Variants in ANKRD31 observed in about 807,000 individuals in gnomAD.
ANKRD31 encodes ankyrin repeat domain-containing protein 31.
In ANKRD31, 147 loss-of-function variants were observed where a neutral mutation model predicts 186.0. The ratio of observed to expected loss-of-function variants is 0.79; its 90% CI spans 0.69 to 0.91. ANKRD31 has a LOEUF of 0.91. ANKRD31 is among the 40% of genes least tolerant of loss of function. The pLI, the probability that ANKRD31 is intolerant of heterozygous loss-of-function variation, is 0.00. For missense variants in ANKRD31, 1,986 were observed against 2,148.8 expected, an observed-to-expected ratio of 0.92 and a Z score of 1.50; for synonymous variants, 673 against 736.4, an observed-to-expected ratio of 0.91 and a Z score of 1.39.
In ANKRD31 at chr5:75,193,580, G is replaced by A. The variant is rs1464759640; in HGVS notation, c.1029C>T (p.Asp343=). Reference sequence around the variant, plus strand: ...AAGTTTGCAATCCAGATGGATTTGGGTCTTGCAGAGTCTGCAAATACGTAA... The same window carrying A: ...AAGTTTGCAATCCAGATGGATTTGGATCTTGCAGAGTCTGCAAATACGTAA... ...DCTQIAETLQ[D]PNPSGLQTLA... The change falls in exon 8 of 26, where the codon GAC becomes GAT. Residue 343 remains aspartate (D), a synonymous_variant. Coordinates refer to ENST00000506364, the MANE Select transcript of ANKRD31 (RefSeq NM_001372053.1). 7.8e-6 allele frequency: 12 copies of A among 1,533,520 alleles called. No individual in the cohort carries two copies. In the African/African-American group the frequency reaches 1.6e-4, roughly 21 times the overall value. The allele number at this position is 1,533,520 out of a possible 1,614,324, so 95.0% of individuals were successfully genotyped here.
intron 4 of ANKRD31, among the ~76,000 whole-genome samples, chr5:75,210,395 A>G (rs113671806): frequency 0.054 from 8,287 of 152,262 alleles, 522 homozygotes; most frequent in African/African-American, 0.15. Flanking sequence ...ACTGGTCTGG[A>G]ACTCCCGACC....
At chr5:75,136,789 A>G (rs1360153283) in intron 17 of ANKRD31, among the ~76,000 whole-genome samples, 2 of 152,230 alleles carry the variant, frequency 1.3e-5, no homozygotes, top group Non-Finnish European at 2.9e-5. Flanking sequence ...GATAGAGTGG[A>G]TTAAGAAAAG....
chr5:75,211,879 T>C (rs1056402763), intron 3 of ANKRD31, among the ~76,000 whole-genome samples: 24 of 152,176 alleles, frequency 1.6e-4, no homozygotes, highest in African/African-American at 5.8e-4. Context: ...CTTTATATAT[T>C]CTGTAAACCA....
At chr5:75,127,546 A>G (rs1749351247) in intron 17 of ANKRD31, among the ~76,000 whole-genome samples, 1 of 152,198 alleles carries the variant, frequency 6.6e-6, no homozygotes. Context: ...TATGGAATAC[A>G]TATCTACACA....
In ANKRD31 at chr5:75,210,822, A is replaced by G. The variant is rs1296363533; in HGVS notation, c.326+6T>C. The G allele has an allele frequency of 5.3e-6, 8 of 1,499,564 alleles. No individual in the cohort carries two copies. The highest frequency in any genetic ancestry group is 7.1e-6 in the Non-Finnish European group (8 of 1,134,598). 92.9% of individuals were successfully genotyped at this position (1,499,564 alleles called of 1,614,324 possible). On this transcript the variant is annotated splice_donor_region_variant and intron_variant, in intron 4 of 25. Transcript: ENST00000506364. ...ACATAATGAAGCCAAAAATTAGTAT[A>G]CTTACTGTAACAGAGCTTGATTTCG...
At chr5:75,161,186 A>C (rs927968001) in intron 11 of ANKRD31, among the ~76,000 whole-genome samples, 1 of 152,178 alleles carries the variant, frequency 6.6e-6, no homozygotes, top group Non-Finnish European at 1.5e-5. Flanking sequence ...AACTCCCTAG[A>C]GACTTGTTGA....
chr5:75,205,076 G>A lies in ANKRD31; in HGVS notation c.403+1335C>T, dbSNP rs538015483. On this transcript the variant is annotated intron_variant, in intron 5 of 25. Transcript: ENST00000506364. ...GATGGGGGTCTTGCTGTGTTTCCCA[G>A]GCTGGTCTCGAACTCTTAGGCTCAA... 2.0e-5 allele frequency among the ~76,000 whole-genome samples: 3 copies of A among 152,130 alleles called. No homozygotes were observed. The South Asian group carries it at 6.2e-4, about 32-fold the overall frequency.
rs1754893941 is a variant in ANKRD31, at chr5:75,188,589, C to T, written c.1468G>A (p.Glu490Lys). 6.5e-7 allele frequency: 1 copy of T among 1,535,360 alleles called. No homozygotes were observed. The highest frequency in any genetic ancestry group is 1.4e-5 in the African/African-American group (1 of 72,846). ...HSINRRNIFGENLVYKAALHD... is the reference protein window; with the variant it reads ...HSINRRNIFGKNLVYKAALHD... ...AGAGCAGCCTTATATACTAAGTTCT[C>T]TCCAAAAATGTTTCTCCGGTTAATG... Residue 490 changes from glutamate (E) to lysine (K), a missense_variant, in exon 10 of 26, where the codon GAG (glutamate) becomes AAG (lysine). Coordinates refer to ENST00000506364, the MANE Select transcript of ANKRD31 (RefSeq NM_001372053.1).
chr5:75,168,707 T>A (rs1221959163), intron 11 of ANKRD31, among the ~76,000 whole-genome samples: 1 of 142,002 alleles, frequency 7.0e-6, no homozygotes, highest in Non-Finnish European at 1.5e-5. Flanking sequence ...AAGCACCATA[T>A]TAAAGGAGTT....
chr5:75,222,924 A>G (rs1486176735), intron 2 of ANKRD31, among the ~76,000 whole-genome samples: 1 of 152,216 alleles, frequency 6.6e-6, no homozygotes, highest in Non-Finnish European at 1.5e-5. Flanking sequence ...GTGTCTTTAT[A>G]GTACAATGAC....
intron 22 of ANKRD31, among the ~76,000 whole-genome samples, chr5:75,096,964 T>C (rs1231740879): frequency 6.6e-6 from 1 of 152,186 alleles, no homozygotes; most frequent in African/African-American, 2.4e-5. Flanking sequence ...TACAGCTTCA[T>C]CCATGTCCCT....
intron 10 of ANKRD31, among the ~76,000 whole-genome samples, chr5:75,181,280 G>C (rs1392682430): frequency 5.9e-5 from 9 of 152,228 alleles, no homozygotes; most frequent in South Asian, 2.1e-4. Context: ...CTTTTATACT[G>C]TTGGTGGGAC....
At chr5:75,179,412 C>A in intron 10 of ANKRD31, among the ~76,000 whole-genome samples, 1 of 152,144 alleles carries the variant, frequency 6.6e-6, no homozygotes, top group Non-Finnish European at 1.5e-5. Flanking sequence ...GATGCCAAAG[C>A]CTGGCAGAGA....
At chr5:75,206,524 G>A (rs777060381) in intron 4 of ANKRD31, 37 bp from the exon 5 acceptor site, 4 of 1,220,920 alleles carry the variant, frequency 3.3e-6, no homozygotes, top group Admixed American at 3.4e-5. Context: ...TTTTAAAATG[G>A]AAGAAAAAAT....
At chr5:75,135,307 C>A (rs557471697) in intron 17 of ANKRD31, among the ~76,000 whole-genome samples, 1 of 152,206 alleles carries the variant, frequency 6.6e-6, no homozygotes, top group African/African-American at 2.4e-5. Flanking sequence ...TGATAAGCAA[C>A]TTCAGCAAAG....
At position 75,104,387 on chromosome 5, in the gene ANKRD31, G is replaced by C; in HGVS notation, c.5172C>G (p.Asp1724Glu). The change falls in exon 22 of 26, where the codon GAC (aspartate) becomes GAG (glutamate). Residue 1724 changes from aspartate to glutamate, a missense_variant. Physicochemically the swap from Asp to Glu is conservative, Grantham distance 45. Transcript: ENST00000506364. ...KSVSVVPCAD[D>E]SQISSSSGSG... The stretch of plus-strand genomic sequence containing the variant: ...ATCCAGAGGAAGAGGAGATCTGACT[G>C]TCATCTGCACATGGAACAACAGAAA... 6.5e-7 allele frequency: 1 copy of C among 1,537,150 alleles called. No individual in the cohort carries two copies. The highest frequency in any genetic ancestry group is 8.7e-7 in the Non-Finnish European group (1 of 1,146,896).
chr5:75,182,153 T>A (rs894516221), intron 10 of ANKRD31, among the ~76,000 whole-genome samples: 1 of 152,170 alleles, frequency 6.6e-6, no homozygotes, highest in Non-Finnish European at 1.5e-5. Flanking sequence ...AAAATGTATA[T>A]ACAAAAACGA....
At chr5:75,173,746 G>A (rs1753545236) in intron 10 of ANKRD31, among the ~76,000 whole-genome samples, 1 of 152,100 alleles carries the variant, frequency 6.6e-6, no homozygotes, top group Admixed American at 6.6e-5. Flanking sequence ...CAAACAAATG[G>A]AAGAACATTC....
At chr5:75,213,209 G>A (rs1217077631) in intron 3 of ANKRD31, among the ~76,000 whole-genome samples, 1 of 151,832 alleles carries the variant, frequency 6.6e-6, no homozygotes, top group African/African-American at 2.4e-5. Flanking sequence ...AATTAAACAG[G>A]GTATACCTAC....
Sources: allele counts gnomAD v4.1 joint callset (sites outside exome capture counted in the v4.1 genomes callset), GRCh38; gene constraint gnomAD v4.1.1; transcripts MANE v1.5; gene names NCBI Gene and HGNC (gene_info 2026-07-23, HGNC 2026-07-21).